The following TMEM47 variants were observed in gnomAD, a reference collection of about 807,000 sequenced individuals.
TMEM47 encodes the protein transmembrane protein 47.
A neutral mutation model predicts 12.4 loss-of-function variants in TMEM47; 3 were observed. The observed-to-expected ratio is 0.24, with a 90% CI of 0.11 to 0.63. TMEM47 has a LOEUF of 0.63. TMEM47 is among the 20% of genes least tolerant of loss of function. TMEM47 has a pLI of 0.86. For missense variants in TMEM47, 89 were observed against 143.8 expected (o/e 0.62, Z 1.95); for synonymous variants, 62 against 63.3 (o/e 0.98, Z 0.10).
intron 1 of TMEM47, among the ~76,000 whole-genome samples, chrX:34,642,898 G>C (rs889558722): frequency 2.7e-5 from 3 of 111,873 alleles, no homozygotes; most frequent in African/African-American, 9.8e-5. Context: ...GATTCACTCA[G>C]GCCAGTTGCC....
intron 2 of TMEM47, among the ~76,000 whole-genome samples, chrX:34,637,634 T>C (rs191710591): frequency 9.0e-6 from 1 of 111,394 alleles, no homozygotes; most frequent in East Asian, 2.8e-4. Context: ...AGTTACTTAT[T>C]TGTTTACATG....
rs1301055126 is a variant in TMEM47, at chrX:34,629,406, C to G, written c.*907G>C. The G allele has an allele frequency of 9.0e-6, 1 of 111,585 alleles. No homozygotes were observed. Among genetic ancestry groups the G allele is most frequent in the East Asian group, 2.8e-4 (1 of 3,549 alleles). The allele number at this position is 111,585 out of a possible 1,213,427, so 9.2% of individuals were successfully genotyped here. ...TACAAGGTTAGTGCTCAAACCACTTCACTAGAGTAAATATTAATTTTACGT... is the reference window on the plus strand; with the variant it reads ...TACAAGGTTAGTGCTCAAACCACTTGACTAGAGTAAATATTAATTTTACGT... On this transcript the variant is annotated 3_prime_UTR_variant, in exon 3 of 3. Coordinates refer to ENST00000275954, the MANE Select transcript of TMEM47 (RefSeq NM_031442.4).
At chrX:34,630,999 C>T (rs766534547) in intron 2 of TMEM47, among the ~76,000 whole-genome samples, 11 of 105,921 alleles carry the variant, frequency 1.0e-4, no homozygotes, top group Non-Finnish European at 1.7e-4. Flanking sequence ...GGTGAAACCC[C>T]GTATCTACTA....
chrX:34,644,399 A>G (rs928641191), intron 1 of TMEM47, among the ~76,000 whole-genome samples: 1 of 112,668 alleles, frequency 8.9e-6, no homozygotes, highest in South Asian at 3.6e-4. Flanking sequence ...TAACTGTCCA[A>G]TTGGAGAATT....
chrX:34,648,330 T>C (rs1921952394), intron 1 of TMEM47, among the ~76,000 whole-genome samples: 1 of 111,796 alleles, frequency 8.9e-6, no homozygotes, highest in Non-Finnish European at 1.9e-5. Flanking sequence ...GTACTAGTAG[T>C]ACAAAAACAG....
chrX:34,641,283 A>AATCC (rs756198060), intron 1 of TMEM47, among the ~76,000 whole-genome samples: 62 of 111,072 alleles, frequency 5.6e-4, no homozygotes, highest in African/African-American at 1.6e-3. Flanking sequence ...AAAAAAATAA[A>AATCC]ATCCATCCAT....
intron 1 of TMEM47, among the ~76,000 whole-genome samples, chrX:34,639,882 G>A (rs1921785170): frequency 1.8e-5 from 2 of 111,374 alleles, no homozygotes; most frequent in Admixed American, 9.6e-5. Context: ...GAGGACATCC[G>A]TCACCACAGA....
chrX:34,642,673 C>T, intron 1 of TMEM47, among the ~76,000 whole-genome samples: 1 of 112,133 alleles, frequency 8.9e-6, no homozygotes, highest in Middle Eastern at 4.6e-3. Context: ...ATCAGCATTA[C>T]CACTGTTGTG....
At position 34,646,140 on chromosome X, in the gene TMEM47, T is replaced by C. The variant is rs374085915; in HGVS notation, c.227-6753A>G. Among the ~76,000 whole-genome samples, 4 of 111,788 alleles carry C rather than the reference T, an allele frequency of 3.6e-5. No individual in the cohort carries two copies. In the East Asian group the frequency reaches 8.4e-4, roughly 24 times the overall value. On this transcript the variant is annotated intron_variant, in intron 1 of 2. Coordinates refer to ENST00000275954, the MANE Select transcript of TMEM47 (RefSeq NM_031442.4). The stretch of plus-strand genomic sequence containing the variant: ...TTGTCCAAAATGCCAGATGGGTTAC[T>C]AGTGTTTAACAATGTCAATTTCATT...
chrX:34,649,309 C>T (rs943077882), intron 1 of TMEM47, among the ~76,000 whole-genome samples: 8 of 111,485 alleles, frequency 7.2e-5, no homozygotes, highest in African/African-American at 2.6e-4. Flanking sequence ...AAATGTCCAT[C>T]GATGACAGAT....
rs1921549089 is a variant in TMEM47 at position 34,628,492 on chromosome X, A to G, written c.*1821T>C. ...AGTAAGACTAAACCTGGTACTTCATATTCGTGATTTTATAGAAAATTCATG... is the reference window on the plus strand; with the variant it reads ...AGTAAGACTAAACCTGGTACTTCATGTTCGTGATTTTATAGAAAATTCATG... On this transcript the variant is annotated 3_prime_UTR_variant, in exon 3 of 3. Transcript: ENST00000275954. The G allele has an allele frequency of 9.1e-6, 1 of 110,099 alleles. No individual in the cohort carries two copies. The highest frequency in any genetic ancestry group is 1.9e-5 in the Non-Finnish European group (1 of 52,693). The allele number at this position is 110,099 out of a possible 1,213,427, so 9.1% of individuals were successfully genotyped here.
At chrX:34,641,649 CA>C (rs754617671) in intron 1 of TMEM47, among the ~76,000 whole-genome samples, 115 of 111,492 alleles carry the variant, frequency 1.0e-3, no homozygotes, top group African/African-American at 3.5e-3. Context: ...TAAATATCCT[CA>C]AAAAAATAGC....
intron 1 of TMEM47, among the ~76,000 whole-genome samples, chrX:34,649,596 T>C (rs899834095): frequency 1.8e-5 from 2 of 110,855 alleles, no homozygotes; most frequent in Admixed American, 1.9e-4. Context: ...ATAATAACTA[T>C]TGGGTACTAG....
chrX:34,655,353 C>A (rs1190912107), intron 1 of TMEM47, among the ~76,000 whole-genome samples: 1 of 111,128 alleles, frequency 9.0e-6, no homozygotes, highest in Admixed American at 9.6e-5. Flanking sequence ...CCCCTGGTTA[C>A]CGAAGAAAGA....
intron 1 of TMEM47, among the ~76,000 whole-genome samples, chrX:34,640,818 TC>T (rs1921802807): frequency 9.0e-6 from 1 of 111,465 alleles, no homozygotes; most frequent in African/African-American, 3.3e-5. Context: ...TTCCACATCT[TC>T]CCCTCCTACG....
At chrX:34,631,817 A>G (rs1921631170) in intron 2 of TMEM47, among the ~76,000 whole-genome samples, 1 of 112,412 alleles carries the variant, frequency 8.9e-6, no homozygotes, top group Non-Finnish European at 1.9e-5. Flanking sequence ...TAAAATTCTT[A>G]ACTTCCTATT....
chrX:34,657,275 C>T lies in TMEM47; in HGVS notation c.-246G>A. The T allele has an allele frequency of 3.7e-6, 1 of 272,983 alleles. No homozygotes were observed. 22.5% of individuals were successfully genotyped at this position (272,983 alleles called of 1,213,427 possible). A position where few individuals can be genotyped will look rare whatever the true frequency, so the allele number is the denominator to read the frequency against. ...CCCCGGACCTTCGCCGCCGGCCCCG[C>T]GCCGCGCTCTGCCAGCGCCCGCGCC... On this transcript the variant is annotated 5_prime_UTR_variant, in exon 1 of 3. Transcript: ENST00000275954.
chrX:34,630,543 T>A (rs1269377051), intron 2 of TMEM47, 52 bp from the exon 3 acceptor site: 1 of 1,076,586 alleles, frequency 9.3e-7, no homozygotes. Flanking sequence ...GCAAATAAAA[T>A]AATATAAATA....
intron 2 of TMEM47, among the ~76,000 whole-genome samples, chrX:34,638,555 T>C (rs903411739): frequency 8.9e-6 from 1 of 111,995 alleles, no homozygotes; most frequent in African/African-American, 3.2e-5. Context: ...CAGGGCAAAC[T>C]GAAGGCACCA....
Sources: gnomAD v4.1 joint callset for allele counts (sites outside exome capture counted in the v4.1 genomes callset) on GRCh38, gnomAD v4.1.1 for gene constraint, MANE v1.5 for transcripts, NCBI Gene and HGNC (gene_info 2026-07-23, HGNC 2026-07-21) for gene names.